The following PTPRN2 variants were observed in gnomAD, a reference collection of about 807,000 sequenced individuals.
PTPRN2 encodes protein tyrosine phosphatase receptor type N2.
In PTPRN2, 74 loss-of-function variants were observed where a neutral mutation model predicts 118.8. The ratio of observed to expected loss-of-function variants is 0.62; its 90% CI spans 0.52 to 0.76. PTPRN2 has a LOEUF of 0.76. PTPRN2 is among the 30% of genes least tolerant of loss of function. PTPRN2 has a pLI of 0.00. For missense variants in PTPRN2, 1,481 were observed against 1,394.4 expected, an observed-to-expected ratio of 1.06 and a Z score of -0.99; for synonymous variants, 641 against 608.0, an observed-to-expected ratio of 1.05 and a Z score of -0.80.
intron 11 of PTPRN2, among the ~76,000 whole-genome samples, chr7:158,062,058 TG>T (rs1810388354): frequency 6.6e-6 from 1 of 152,262 alleles, no homozygotes; most frequent in African/African-American, 2.4e-5. Context: ...TCTCGCACCT[TG>T]GTGCGGAAGC....
chr7:158,155,767 C>T (rs79636711), intron 6 of PTPRN2, among the ~76,000 whole-genome samples: 2 of 106,550 alleles, frequency 1.9e-5, no homozygotes, highest in Admixed American at 2.1e-4. Flanking sequence ...TCATCATCAC[C>T]ATCAACACTA....
chr7:157,994,635 A>G (rs1471020248), intron 11 of PTPRN2, among the ~76,000 whole-genome samples: 71 of 129,382 alleles, frequency 5.5e-4, no homozygotes, highest in East Asian at 1.1e-3. Flanking sequence ...CCTAAAATCA[A>G]CGCCGTGTCC....
chr7:158,516,507 T>G (rs1823570809), intron 1 of PTPRN2, among the ~76,000 whole-genome samples: 1 of 151,912 alleles, frequency 6.6e-6, no homozygotes, highest in Non-Finnish European at 1.5e-5. Flanking sequence ...TTCTTGGTGC[T>G]TTCTGCCTAT....
intron 11 of PTPRN2, 62 bp downstream of exon 11, chr7:158,081,236 G>T: frequency 6.9e-7 from 1 of 1,454,580 alleles, no homozygotes; most frequent in Non-Finnish European, 9.6e-7. Flanking sequence ...GTGCGTGTTT[G>T]CGTGCGTGTG....
rs1379830605 is a variant in PTPRN2 at position 157,693,513 on chromosome 7, C to T, written c.1789-10576G>A. ...CCTCGCTGCCCCGACCCTCCCGCTG[C>T]GGTCGCAGGGCCTTGGGGCACCGGG... On this transcript the variant is annotated intron_variant, in intron 12 of 22. Coordinates refer to ENST00000389418, the MANE Select transcript of PTPRN2 (RefSeq NM_002847.5). Among the ~76,000 whole-genome samples the T allele has an allele frequency of 2.6e-5, 4 of 152,126 alleles. No homozygotes were observed. In the East Asian group the frequency reaches 5.8e-4, roughly 22 times the overall value.
At chr7:157,718,247 A>G (rs1172872632) in intron 12 of PTPRN2, among the ~76,000 whole-genome samples, 1 of 152,262 alleles carries the variant, frequency 6.6e-6, no homozygotes, top group African/African-American at 2.4e-5. Context: ...ACTATCAGCT[A>G]TTTCTGCAAA....
At chr7:158,063,213 AG>A (rs1485329762) in intron 11 of PTPRN2, among the ~76,000 whole-genome samples, 1 of 152,150 alleles carries the variant, frequency 6.6e-6, no homozygotes, top group Non-Finnish European at 1.5e-5. Context: ...GGGGACTTGG[AG>A]AACATTTATG....
chr7:157,828,613 C>T (rs368696003), intron 12 of PTPRN2, among the ~76,000 whole-genome samples: 2 of 150,628 alleles, frequency 1.3e-5, no homozygotes, highest in African/African-American at 2.4e-5. Flanking sequence ...CAGGTATGAT[C>T]ACAGCAAGAC....
chr7:157,688,510 C>T (rs1314389548), intron 12 of PTPRN2, among the ~76,000 whole-genome samples: 2 of 152,220 alleles, frequency 1.3e-5, no homozygotes, highest in African/African-American at 4.8e-5. Context: ...CAAACTCAGA[C>T]TCAGCGGATC....
At chr7:158,206,723 G>C (rs999547092) in intron 3 of PTPRN2, among the ~76,000 whole-genome samples, 2 of 152,118 alleles carry the variant, frequency 1.3e-5, no homozygotes, top group Admixed American at 6.5e-5. Flanking sequence ...ACTGGGCTTT[G>C]AGTGGCCCCT....
At chr7:158,521,667 CGGG>C (rs1563387735) in intron 1 of PTPRN2, among the ~76,000 whole-genome samples, 19 of 80,544 alleles carry the variant, frequency 2.4e-4, no homozygotes, top group South Asian at 6.1e-4. Flanking sequence ...GGTGCTGGCT[CGGG>C]AGGGAGGTCC....
At chr7:158,179,060 A>T (rs1420276542) in intron 5 of PTPRN2, among the ~76,000 whole-genome samples, 1 of 152,140 alleles carries the variant, frequency 6.6e-6, no homozygotes, top group African/African-American at 2.4e-5. Flanking sequence ...ATCAACTTTT[A>T]GTTCTTTATG....
intron 2 of PTPRN2, among the ~76,000 whole-genome samples, chr7:158,433,034 G>A (rs948066891): frequency 2.6e-5 from 4 of 152,154 alleles, no homozygotes; most frequent in African/African-American, 4.8e-5. Flanking sequence ...CTGTAGGTCC[G>A]TGGAATCACA....
At chr7:158,161,271 C>A (rs932617482) in intron 6 of PTPRN2, among the ~76,000 whole-genome samples, 1 of 152,168 alleles carries the variant, frequency 6.6e-6, no homozygotes, top group African/African-American at 2.4e-5. Context: ...CAACACAATA[C>A]TGAAGAAGAA....
intron 12 of PTPRN2, among the ~76,000 whole-genome samples, chr7:157,685,204 G>C (rs1031875752): frequency 6.6e-6 from 1 of 151,736 alleles, no homozygotes; most frequent in Non-Finnish European, 1.5e-5. Flanking sequence ...CATCCCGGCC[G>C]GGCCGATGGC....
chr7:158,333,078 A>T (rs866709298), intron 2 of PTPRN2, among the ~76,000 whole-genome samples: 1 of 80,918 alleles, frequency 1.2e-5, no homozygotes, highest in Admixed American at 1.2e-4. Flanking sequence ...GACACCTGCA[A>T]ATGTCACTCA....
At chr7:157,836,396 G>A (rs1224196741) in intron 12 of PTPRN2, among the ~76,000 whole-genome samples, 1 of 152,202 alleles carries the variant, frequency 6.6e-6, no homozygotes, top group Non-Finnish European at 1.5e-5. Flanking sequence ...GTATCCTAAA[G>A]AAACAGTAAG....
intron 2 of PTPRN2, among the ~76,000 whole-genome samples, chr7:158,401,303 C>T (rs1812930438): frequency 6.6e-6 from 1 of 152,208 alleles, no homozygotes; most frequent in South Asian, 2.1e-4. Flanking sequence ...TCCTCTTTTT[C>T]CAGCAGTGAA....
chr7:158,125,252 A>C (rs1817548030), intron 9 of PTPRN2, among the ~76,000 whole-genome samples: 1 of 140,542 alleles, frequency 7.1e-6, no homozygotes, highest in African/African-American at 2.8e-5. Flanking sequence ...AGTCCCTCCC[A>C]GGGCCACCTC....
Sources: allele counts gnomAD v4.1 joint callset (sites outside exome capture counted in the v4.1 genomes callset), GRCh38; gene constraint gnomAD v4.1.1; transcripts MANE v1.5; gene names NCBI Gene and HGNC (gene_info 2026-07-23, HGNC 2026-07-21).